The following RNF180 variants were observed in gnomAD, a reference collection of about 807,000 sequenced individuals.
RNF180 encodes E3 ubiquitin-protein ligase RNF180.
In RNF180, 38 loss-of-function variants were observed where a neutral mutation model predicts 59.2. That is an observed-to-expected ratio of 0.64 (90% CI 0.50 to 0.84). The LOEUF (loss-of-function observed/expected upper bound fraction) is 0.84, where lower values mean the gene tolerates loss of function less well. Ranked by LOEUF, RNF180 falls within the 40% of genes least tolerant of loss-of-function variation. The pLI is 0.00. For synonymous variants in RNF180, 262 were observed against 240.3 expected, an observed-to-expected ratio of 1.09 and a Z score of -0.84; for missense variants, 705 against 700.9, an observed-to-expected ratio of 1.01 and a Z score of -0.07.
chr5:64,371,177 A>C lies in RNF180; in HGVS notation c.*1363A>C, dbSNP rs1215198742. On this transcript the variant is annotated 3_prime_UTR_variant, in exon 8 of 8. Transcript: ENST00000389100. ...TGTTCTTATTATTGTGTTTTAAATT[A>C]TATCTATTACAGAAAATAGTATACA... is the stretch of plus-strand genomic sequence containing the variant. 1 of 151,704 alleles carries C rather than the reference A, an allele frequency of 6.6e-6. No individual in the cohort carries two copies. The highest frequency in any genetic ancestry group is 2.4e-5 in the African/African-American group (1 of 41,412). 9.4% of individuals were successfully genotyped at this position (151,704 alleles called of 1,614,324 possible).
At chr5:64,306,066 G>GA (rs1743432993) in intron 5 of RNF180, among the ~76,000 whole-genome samples, 1 of 151,580 alleles carries the variant, frequency 6.6e-6, no homozygotes, top group Non-Finnish European at 1.5e-5. Flanking sequence ...ATTAGCTATA[G>GA]AAAAATCTAA....
intron 5 of RNF180, among the ~76,000 whole-genome samples, chr5:64,266,871 A>G (rs942479381): frequency 3.3e-5 from 5 of 152,156 alleles, no homozygotes; most frequent in Admixed American, 6.6e-5. Context: ...CTGAAAGCCA[A>G]AAGTTCAGGA....
At chr5:64,229,552 T>C (rs1284670790) in intron 5 of RNF180, among the ~76,000 whole-genome samples, 2 of 152,248 alleles carry the variant, frequency 1.3e-5, no homozygotes, top group East Asian at 1.9e-4. Flanking sequence ...TATGAATCTG[T>C]CTCTAGCTAA....
At chr5:64,360,653 T>G (rs1335740630) in intron 7 of RNF180, among the ~76,000 whole-genome samples, 1 of 151,780 alleles carries the variant, frequency 6.6e-6, no homozygotes, top group Non-Finnish European at 1.5e-5. Context: ...TAAAAGAGAT[T>G]ACCAAATTAC....
chr5:64,231,509 T>C (rs1742100018), intron 5 of RNF180, among the ~76,000 whole-genome samples: 1 of 152,218 alleles, frequency 6.6e-6, no homozygotes. Context: ...TGCCACAAAC[T>C]TGCTGAGTTT....
chr5:64,201,799 G>A (rs1751764688), intron 2 of RNF180, among the ~76,000 whole-genome samples: 1 of 152,126 alleles, frequency 6.6e-6, no homozygotes, highest in Non-Finnish European at 1.5e-5. Flanking sequence ...GAGTGCAGTG[G>A]CGTGATCTTG....
intron 1 of RNF180, among the ~76,000 whole-genome samples, chr5:64,188,248 C>G (rs1750965936): frequency 6.6e-6 from 1 of 152,076 alleles, no homozygotes; most frequent in South Asian, 2.1e-4. Context: ...TGAGATTTCC[C>G]TTACATTAAG....
chr5:64,176,400 C>T (rs1265499045), intron 1 of RNF180, among the ~76,000 whole-genome samples: 1 of 151,944 alleles, frequency 6.6e-6, no homozygotes, highest in East Asian at 1.9e-4. Flanking sequence ...TCCAGAAAAC[C>T]AGCTCTGTTG....
intron 5 of RNF180, among the ~76,000 whole-genome samples, chr5:64,256,270 T>C (rs1354367609): frequency 6.6e-6 from 1 of 152,230 alleles, no homozygotes. Context: ...CATGAAGTCC[T>C]TGCCCGTGCC....
intron 5 of RNF180, among the ~76,000 whole-genome samples, chr5:64,218,561 A>T (rs934390935): frequency 6.6e-6 from 1 of 152,060 alleles, no homozygotes; most frequent in Non-Finnish European, 1.5e-5. Context: ...TAATTTTTTG[A>T]CTTTCCATAT....
intron 5 of RNF180, among the ~76,000 whole-genome samples, chr5:64,259,457 C>G (rs929792315): frequency 1.3e-5 from 2 of 152,128 alleles, no homozygotes; most frequent in African/African-American, 4.8e-5. Context: ...CCTGGGAAAA[C>G]TAGTCAAGTA....
At chr5:64,222,478 T>G (rs539742054) in intron 5 of RNF180, among the ~76,000 whole-genome samples, 1 of 152,164 alleles carries the variant, frequency 6.6e-6, no homozygotes, top group Non-Finnish European at 1.5e-5. Context: ...AGGTGCAAGC[T>G]TCCAAGAGTT....
intron 5 of RNF180, among the ~76,000 whole-genome samples, chr5:64,253,908 A>G (rs934621071): frequency 6.6e-6 from 1 of 152,110 alleles, no homozygotes; most frequent in African/African-American, 2.4e-5. Flanking sequence ...TATCTTGCAT[A>G]TAGTAAGCAT....
At chr5:64,325,125 G>T in intron 5 of RNF180, 61 bp from the exon 6 acceptor site, 1 of 1,028,234 alleles carries the variant, frequency 9.7e-7, no homozygotes, top group Non-Finnish European at 1.5e-6. Flanking sequence ...AAATATAAAG[G>T]CTATCTTAAG....
At chr5:64,359,406 T>C (rs566306449) in intron 7 of RNF180, among the ~76,000 whole-genome samples, 150 of 152,170 alleles carry the variant, frequency 9.9e-4, no homozygotes, top group African/African-American at 3.4e-3. Flanking sequence ...CATTTTTTCA[T>C]GTGTTTTTTG....
At chr5:64,185,338 TAA>T (rs1468453147) in intron 1 of RNF180, among the ~76,000 whole-genome samples, 18 of 152,206 alleles carry the variant, frequency 1.2e-4, no homozygotes, top group Non-Finnish European at 2.2e-4. Context: ...TATTTAAAAA[TAA>T]ATATGATAAT....
At chr5:64,236,162 A>G (rs1742431712) in intron 5 of RNF180, among the ~76,000 whole-genome samples, 1 of 152,232 alleles carries the variant, frequency 6.6e-6, no homozygotes, top group Non-Finnish European at 1.5e-5. Context: ...AATGGTTTTA[A>G]CCAACATGCT....
rs746056240 is a variant in RNF180, at chr5:64,214,096, G to T, written c.770G>T (p.Arg257Ile). The T allele has an allele frequency of 9.9e-6, 16 of 1,613,932 alleles. No homozygotes were observed. In the South Asian group the frequency reaches 1.6e-4, roughly 17 times the overall value. Residue 257 changes from arginine to isoleucine, a missense_variant, in exon 4 of 8, where the codon AGA becomes ATA. Coordinates refer to ENST00000389100, the MANE Select transcript of RNF180 (RefSeq NM_001113561.2). ...EIHSKTTAYS[R>I]LNETQPIDLS... Reference sequence around the variant, plus strand: ...CATAGTAAGACTACTGCCTATTCCAGACTAAATGAAACACAGCCTATTGAC... The same window carrying T: ...CATAGTAAGACTACTGCCTATTCCATACTAAATGAAACACAGCCTATTGAC...
chr5:64,342,119 T>C (rs1745375102), intron 7 of RNF180, among the ~76,000 whole-genome samples: 3 of 151,864 alleles, frequency 2.0e-5, no homozygotes, highest in South Asian at 4.2e-4. Context: ...ACAACAGGAG[T>C]GGGAATTTCT....
Sources: gnomAD v4.1 joint callset for allele counts (sites outside exome capture counted in the v4.1 genomes callset) on GRCh38, gnomAD v4.1.1 for gene constraint, MANE v1.5 for transcripts, NCBI Gene and HGNC (gene_info 2026-07-23, HGNC 2026-07-21) for gene names.